The following PKHD1 variants were observed in gnomAD, a reference collection of about 807,000 sequenced individuals.
PKHD1 encodes the protein fibrocystin.
PKHD1 carries 291 observed loss-of-function variants against 412.0 expected under a neutral mutation model. That is an observed-to-expected ratio of 0.71 (90% confidence interval 0.64 to 0.78). PKHD1 has a LOEUF of 0.78. PKHD1 is among the 30% of genes least tolerant of loss of function. The probability of loss-of-function intolerance (pLI) is 0.00; values close to 1 mark genes in which losing one functional copy is unlikely to be tolerated. For synonymous variants in PKHD1, 1,777 were observed against 1,821.5 expected, an observed-to-expected ratio of 0.98 and a Z score of 0.62; for missense variants, 4,825 against 4,950.7, an observed-to-expected ratio of 0.97 and a Z score of 0.76.
At chr6:51,627,551 G>A (rs1296612266) in intron 65 of PKHD1, among the ~76,000 whole-genome samples, 1 of 151,914 alleles carries the variant, frequency 6.6e-6, no homozygotes, top group Non-Finnish European at 1.5e-5. Flanking sequence ...TACTTCCGTA[G>A]GACAGAACTG....
intron 43 of PKHD1, among the ~76,000 whole-genome samples, chr6:51,888,095 T>C (rs1372890179): frequency 6.6e-6 from 1 of 152,240 alleles, no homozygotes; most frequent in Non-Finnish European, 1.5e-5. Context: ...GATTTGTCTA[T>C]TGGCTGAAGG....
At chr6:51,694,515 C>T (rs1219762326) in intron 60 of PKHD1, among the ~76,000 whole-genome samples, 1 of 146,092 alleles carries the variant, frequency 6.8e-6, no homozygotes, top group Admixed American at 6.9e-5. Context: ...TCCCAAGTAG[C>T]TCAGATTACA....
intron 35 of PKHD1, among the ~76,000 whole-genome samples, chr6:51,989,425 T>A (rs774215457): frequency 5.9e-5 from 9 of 152,202 alleles, no homozygotes; most frequent in Non-Finnish European, 1.3e-4. Context: ...TTTCCAAAAA[T>A]ACGTATAGGT....
At chr6:51,826,613 C>G (rs1436087308) in intron 52 of PKHD1, among the ~76,000 whole-genome samples, 1 of 152,150 alleles carries the variant, frequency 6.6e-6, no homozygotes, top group African/African-American at 2.4e-5. Context: ...AGAATGCATT[C>G]AGGCCAATTT....
intron 43 of PKHD1, among the ~76,000 whole-genome samples, chr6:51,901,671 A>G (rs1781319671): frequency 7.2e-6 from 1 of 138,050 alleles, no homozygotes; most frequent in African/African-American, 2.8e-5. Context: ...AAAGTATAAT[A>G]ATAAAAGAAA....
chr6:51,855,363 A>G (rs1311406472), intron 49 of PKHD1, among the ~76,000 whole-genome samples: 1 of 152,206 alleles, frequency 6.6e-6, no homozygotes, highest in Non-Finnish European at 1.5e-5. Context: ...CTAGTAAGCC[A>G]TCTTGCCACA....
intron 35 of PKHD1, among the ~76,000 whole-genome samples, chr6:52,000,139 C>T (rs914308977): frequency 6.6e-6 from 1 of 152,230 alleles, no homozygotes; most frequent in Non-Finnish European, 1.5e-5. Context: ...ACAGTTTTCA[C>T]ATTCTGTTAC....
chr6:52,028,471 T>G (rs1387621260), intron 29 of PKHD1, 120 bp from the exon 30 acceptor site: 1 of 930,678 alleles, frequency 1.1e-6, no homozygotes, highest in Non-Finnish European at 1.7e-6. Context: ...ATAATACTCT[T>G]AAGAGTTACG....
At chr6:51,684,575 T>C (rs1036374148) in intron 60 of PKHD1, among the ~76,000 whole-genome samples, 2 of 152,106 alleles carry the variant, frequency 1.3e-5, no homozygotes, top group African/African-American at 4.8e-5. Context: ...TAGGACATCG[T>C]TGTCTTCATT....
At chr6:51,921,511 C>T (rs1784702662) in intron 37 of PKHD1, among the ~76,000 whole-genome samples, 1 of 152,164 alleles carries the variant, frequency 6.6e-6, no homozygotes, top group Admixed American at 6.5e-5. Flanking sequence ...GGATAATATC[C>T]TGAAGAGTGT....
intron 35 of PKHD1, among the ~76,000 whole-genome samples, chr6:52,002,802 G>A (rs1018528854): frequency 1.3e-5 from 2 of 152,158 alleles, no homozygotes; most frequent in African/African-American, 2.4e-5. Context: ...TTTCAAATTA[G>A]CCTCTAAATA....
intron 55 of PKHD1, among the ~76,000 whole-genome samples, chr6:51,766,958 AAATTTTCTTC>A (rs1338603667): frequency 8.1e-4 from 123 of 152,182 alleles, no homozygotes; most frequent in Middle Eastern, 3.4e-3. Flanking sequence ...ATGTTTACTT[AAATTTTCTTC>A]AAATAATTTT....
rs746914023 is a variant in PKHD1 at position 51,659,821 on chromosome 6, A to C, written c.10305T>G (p.Ser3435Arg). The C allele has an allele frequency of 8.1e-6, 13 of 1,613,874 alleles. No individual in the cohort carries two copies. Among genetic ancestry groups the C allele is most frequent in the Non-Finnish European group, 1.1e-5 (13 of 1,179,854 alleles). Residue 3435 changes from serine (S) to arginine (R), a missense_variant, in exon 61 of 67, where the codon AGT becomes AGG. Transcript: ENST00000371117. The stretch of plus-strand genomic sequence containing the variant: ...CACTGCTAAAGACATCAACAAAACC[A>C]CTAGTCACAGATACAACTGGATATA... ...QKLYPVVSVTSGFVDVFSSVN... is the reference protein window; with the variant it reads ...QKLYPVVSVTRGFVDVFSSVN...
chr6:51,931,919 T>C (rs1301332949), intron 37 of PKHD1, among the ~76,000 whole-genome samples: 1 of 122,522 alleles, frequency 8.2e-6, no homozygotes, highest in East Asian at 2.6e-4. Context: ...AGAAGGAGAA[T>C]AAAGAAGAAA....
intron 27 of PKHD1, among the ~76,000 whole-genome samples, chr6:52,036,614 G>A (rs1323077663): frequency 6.6e-6 from 1 of 152,180 alleles, no homozygotes; most frequent in African/African-American, 2.4e-5. Context: ...TACAAAATCT[G>A]ATGAAAACCT....
intron 60 of PKHD1, among the ~76,000 whole-genome samples, chr6:51,717,531 T>G (rs1192913613): frequency 6.6e-6 from 1 of 152,208 alleles, no homozygotes; most frequent in Non-Finnish European, 1.5e-5. Context: ...CATTGTGTTA[T>G]AGTTGCCTAC....
chr6:51,667,374 C>T (rs1285899614), intron 60 of PKHD1, among the ~76,000 whole-genome samples: 1,321 of 115,662 alleles, frequency 0.011, no homozygotes, highest in South Asian at 0.018. Context: ...TGTCCTTTGC[C>T]CACTTTTTAA....
chr6:51,720,935 A>C, intron 60 of PKHD1: 1 of 961,998 alleles, frequency 1.0e-6, no homozygotes, highest in Non-Finnish European at 1.2e-6. Flanking sequence ...GAGTTAATAA[A>C]TGAGTAAATG....
Position 52,033,105 on chromosome 6 carries a change from G to C in PKHD1, c.3289C>G (p.Pro1097Ala). 1 of 1,610,454 alleles carries C rather than the reference G, an allele frequency of 6.2e-7. No homozygotes were observed. The highest frequency in any genetic ancestry group is 8.5e-7 in the Non-Finnish European group (1 of 1,176,732). Residue 1097 changes from proline (P) to alanine (A), a missense_variant, in exon 29 of 67, where the codon CCC becomes GCC. Pro to Ala is a conservative substitution (Grantham distance 27). Coordinates refer to ENST00000371117, the MANE Select transcript of PKHD1 (RefSeq NM_138694.4). ...GAAGAGACATATGTAAATGCTCTGG[G>C]AAGAACTGCAGAATAGTCCCCTCTG... is the stretch of plus-strand genomic sequence containing the variant. ...VIRGDYSAVL[P>A]RAFTYVSSLN...
Sources: gnomAD v4.1 joint callset for allele counts (sites outside exome capture counted in the v4.1 genomes callset) on GRCh38, gnomAD v4.1.1 for gene constraint, MANE v1.5 for transcripts, NCBI Gene and HGNC (gene_info 2026-07-23, HGNC 2026-07-21) for gene names.